Variants in KCNMA1 observed in about 807,000 individuals in gnomAD.
KCNMA1 encodes potassium calcium-activated channel subfamily M alpha 1.
In KCNMA1, 29 loss-of-function variants were observed where a neutral mutation model predicts 140.0. That is an observed-to-expected ratio of 0.21 (90% CI 0.15 to 0.28). The LOEUF (loss-of-function observed/expected upper bound fraction) is 0.28. Ranked by LOEUF, KCNMA1 falls within the 10% of genes least tolerant of loss-of-function variation. The pLI, the probability that KCNMA1 is intolerant of heterozygous loss-of-function variation, is 1.00. For missense variants in KCNMA1, 880 were observed against 1,602.2 expected (o/e 0.55, Z 7.70); for synonymous variants, 612 against 611.9 (o/e 1.00, Z 0.00).
At chr10:77,126,654 G>A (rs1184967095) in intron 5 of KCNMA1, among the ~76,000 whole-genome samples, 1 of 151,982 alleles carries the variant, frequency 6.6e-6, no homozygotes, top group East Asian at 1.9e-4. Context: ...CATGAGAACT[G>A]CCCTCTGCTA....
chr10:77,055,974 C>G (rs1044724392), intron 14 of KCNMA1, among the ~76,000 whole-genome samples: 1 of 152,168 alleles, frequency 6.6e-6, no homozygotes, highest in African/African-American at 2.4e-5. Flanking sequence ...AGACCACCAC[C>G]CAGTCTGAGG....
chr10:77,210,448 AACCAAC>A (rs1368225181), intron 3 of KCNMA1, among the ~76,000 whole-genome samples: 2 of 152,148 alleles, frequency 1.3e-5, no homozygotes, highest in Non-Finnish European at 2.9e-5. Flanking sequence ...ACAAACCCAC[AACCAAC>A]ATTATACTGA....
intron 14 of KCNMA1, among the ~76,000 whole-genome samples, chr10:77,054,784 G>A (rs935852470): frequency 2.0e-5 from 3 of 152,180 alleles, no homozygotes; most frequent in Non-Finnish European, 2.9e-5. Flanking sequence ...ATGGCAGATG[G>A]CTGCCTAAAT....
Position 77,164,194 on chromosome 10 carries a change from A to G in KCNMA1, c.808+19227T>C, listed in dbSNP as rs368804270. Among the ~76,000 whole-genome samples the G allele has an allele frequency of 7.9e-5, 12 of 152,332 alleles. No homozygotes were observed. The South Asian group carries it at 1.2e-3, about 16-fold the overall frequency. ...CCTGATGCATCTTCCTGAGTGACACATGAACTCTGCCCAAGGCAAGGCGGC... is the reference window on the plus strand; with the variant it reads ...CCTGATGCATCTTCCTGAGTGACACGTGAACTCTGCCCAAGGCAAGGCGGC... On this transcript the variant is annotated intron_variant, in intron 5 of 27. Coordinates refer to ENST00000286628, the MANE Select transcript of KCNMA1 (RefSeq NM_001161352.2).
chr10:76,949,073 T>C, intron 22 of KCNMA1, 69 bp downstream of exon 22: 3 of 1,206,210 alleles, frequency 2.5e-6, no homozygotes, highest in Non-Finnish European at 2.5e-6. Context: ...ACAACTATTA[T>C]ATCCATCCGG....
At chr10:77,083,340 G>A (rs2096621754) in intron 12 of KCNMA1, among the ~76,000 whole-genome samples, 1 of 152,046 alleles carries the variant, frequency 6.6e-6, no homozygotes, top group African/African-American at 2.4e-5. Context: ...TGACTACTGG[G>A]TTTATGCAAG....
chr10:77,265,821 C>T (rs897037582), intron 2 of KCNMA1, among the ~76,000 whole-genome samples: 2 of 152,144 alleles, frequency 1.3e-5, no homozygotes, highest in Non-Finnish European at 2.9e-5. Flanking sequence ...TGGCTCATGC[C>T]TATAATCCCA....
At chr10:77,636,437 G>A in intron 1 of KCNMA1, 1 of 1,536,206 alleles carries the variant, frequency 6.5e-7, no homozygotes, top group Non-Finnish European at 8.7e-7. Flanking sequence ...GACGCTCCGC[G>A]TAAAACCGCG....
chr10:77,358,085 G>A (rs2093649637), intron 2 of KCNMA1, among the ~76,000 whole-genome samples: 1 of 152,150 alleles, frequency 6.6e-6, no homozygotes, highest in Admixed American at 6.5e-5. Context: ...AGATGCAAGT[G>A]GAACAGCTCC....
intron 2 of KCNMA1, among the ~76,000 whole-genome samples, chr10:77,369,640 G>A (rs1402857377): frequency 1.3e-5 from 2 of 152,258 alleles, no homozygotes; most frequent in East Asian, 3.9e-4. Context: ...ACCTATATTT[G>A]AGGATTACCT....
chr10:77,342,536 C>T (rs1296197994), intron 2 of KCNMA1, among the ~76,000 whole-genome samples: 1 of 152,188 alleles, frequency 6.6e-6, no homozygotes, highest in East Asian at 1.9e-4. Context: ...TCCTACAAGC[C>T]CCAGGAGTAA....
At chr10:77,284,732 G>A (rs1026176932) in intron 2 of KCNMA1, among the ~76,000 whole-genome samples, 1 of 151,834 alleles carries the variant, frequency 6.6e-6, no homozygotes, top group African/African-American at 2.4e-5. Context: ...CAGGCTGGTC[G>A]TGAACTCCTG....
At chr10:77,506,783 T>A in intron 1 of KCNMA1, among the ~76,000 whole-genome samples, 1 of 110,598 alleles carries the variant, frequency 9.0e-6, no homozygotes, top group Non-Finnish European at 1.8e-5. Context: ...AGCTTTGAAA[T>A]ATGAAGAAAG....
intron 2 of KCNMA1, among the ~76,000 whole-genome samples, chr10:77,262,530 T>G (rs1318334899): frequency 6.6e-6 from 1 of 151,962 alleles, no homozygotes; most frequent in African/African-American, 2.4e-5. Flanking sequence ...AATATCCTGT[T>G]GAAACATGAC....
At chr10:76,912,119 T>G (rs2050573753) in intron 24 of KCNMA1, 1 of 152,092 alleles carries the variant, frequency 6.6e-6, no homozygotes, top group Non-Finnish European at 1.5e-5. Context: ...ATACCCAGTC[T>G]CAGAAGGAGA....
At chr10:77,605,961 C>T (rs1226846428) in intron 1 of KCNMA1, among the ~76,000 whole-genome samples, 5 of 152,212 alleles carry the variant, frequency 3.3e-5, no homozygotes, top group African/African-American at 1.2e-4. Context: ...TGGTCCTCAC[C>T]ATGCCACGCT....
At chr10:77,389,762 A>ATCT (rs1463219747) in intron 2 of KCNMA1, among the ~76,000 whole-genome samples, 4 of 152,072 alleles carry the variant, frequency 2.6e-5, no homozygotes, top group Admixed American at 2.6e-4. Context: ...CCTCAGGCCC[A>ATCT]TCTACATGCT....
chr10:76,959,542 C>G (rs1001665255), intron 20 of KCNMA1, among the ~76,000 whole-genome samples: 1 of 152,234 alleles, frequency 6.6e-6, no homozygotes, highest in African/African-American at 2.4e-5. Context: ...AATACAGCAT[C>G]TGACCTAGAG....
chr10:77,156,549 G>A (rs761713022), intron 5 of KCNMA1, among the ~76,000 whole-genome samples: 61 of 152,186 alleles, frequency 4.0e-4, no homozygotes, highest in Non-Finnish European at 7.2e-4. Context: ...GACAGTAATA[G>A]CCCTTCCCAA....
Sources: gnomAD v4.1 joint callset for allele counts (sites outside exome capture counted in the v4.1 genomes callset) on GRCh38, gnomAD v4.1.1 for gene constraint, MANE v1.5 for transcripts, NCBI Gene and HGNC (gene_info 2026-07-23, HGNC 2026-07-21) for gene names.